Variants in CNTNAP5 observed in about 807,000 individuals in gnomAD.
CNTNAP5 encodes contactin-associated protein-like 5.
A neutral mutation model predicts 150.2 loss-of-function variants in CNTNAP5; 72 were observed. That is an observed-to-expected ratio of 0.48 (90% CI 0.40 to 0.58). The LOEUF is 0.58. Among genes scored for constraint, CNTNAP5 ranks in the 20% least tolerant of loss-of-function variants. The pLI, the probability that CNTNAP5 is intolerant of heterozygous loss-of-function variation, is 0.00. For synonymous variants in CNTNAP5, 672 were observed against 619.8 expected (o/e 1.08, Z -1.25); for missense variants, 1,636 against 1,626.2 (o/e 1.01, Z -0.10).
intron 3 of CNTNAP5, among the ~76,000 whole-genome samples, chr2:124,381,826 T>C (rs1430114732): frequency 6.6e-6 from 1 of 151,976 alleles, no homozygotes; most frequent in African/African-American, 2.4e-5. Context: ...AAGATCTTCC[T>C]GTGGTTGATG....
intron 19 of CNTNAP5, among the ~76,000 whole-genome samples, chr2:124,857,405 T>C (rs1402135116): frequency 6.6e-6 from 1 of 151,954 alleles, no homozygotes; most frequent in Non-Finnish European, 1.5e-5. Flanking sequence ...TTTTCTGAGG[T>C]GTTACAGCCT....
At chr2:124,058,618 T>A (rs1334135670) in intron 1 of CNTNAP5, among the ~76,000 whole-genome samples, 1 of 152,150 alleles carries the variant, frequency 6.6e-6, no homozygotes, top group South Asian at 2.1e-4. Flanking sequence ...TGCATTTAAA[T>A]GTTTGGTAAT....
intron 21 of CNTNAP5, among the ~76,000 whole-genome samples, chr2:124,872,074 A>G (rs1677760995): frequency 6.6e-6 from 1 of 152,050 alleles, no homozygotes; most frequent in Admixed American, 6.6e-5. Context: ...TGGCTTTAGC[A>G]TCACATTCAC....
intron 6 of CNTNAP5, among the ~76,000 whole-genome samples, chr2:124,471,202 A>C (rs1693505836): frequency 6.6e-6 from 1 of 152,224 alleles, no homozygotes; most frequent in Admixed American, 6.5e-5. Context: ...CGTATCCATG[A>C]ACATGGAATG....
intron 8 of CNTNAP5, among the ~76,000 whole-genome samples, chr2:124,512,092 A>G (rs774211011): frequency 1.3e-5 from 2 of 151,994 alleles, no homozygotes; most frequent in Non-Finnish European, 2.9e-5. Context: ...AGAGAAATCC[A>G]GGCAGAGACA....
At chr2:124,609,765 A>G in intron 11 of CNTNAP5, 36 bp from the exon 12 acceptor site, 3 of 1,608,366 alleles carry the variant, frequency 1.9e-6, no homozygotes, top group Non-Finnish European at 2.6e-6. Flanking sequence ...TGCAGAGCCA[A>G]GCAAAGTTTT....
chr2:124,208,316 GTCCAGCATGTTATA>G (rs1389546521), intron 1 of CNTNAP5, among the ~76,000 whole-genome samples: 2 of 152,102 alleles, frequency 1.3e-5, no homozygotes, highest in East Asian at 3.9e-4. Flanking sequence ...CCACACTTTG[GTCCAGCATGTTATA>G]TCCAGGATTC....
chr2:124,084,605 A>G (rs1682634665), intron 1 of CNTNAP5, among the ~76,000 whole-genome samples: 1 of 151,786 alleles, frequency 6.6e-6, no homozygotes, highest in Admixed American at 6.6e-5. Context: ...CTATACATAC[A>G]TGTATGTGTG....
At chr2:124,828,714 G>T (rs1682649586) in intron 19 of CNTNAP5, among the ~76,000 whole-genome samples, 1 of 99,940 alleles carries the variant, frequency 1.0e-5, no homozygotes, top group African/African-American at 3.9e-5. Context: ...TATATGCCTT[G>T]CAGACCAATG....
chr2:124,784,036 A>G lies in CNTNAP5; in HGVS notation c.2753-5866A>G, dbSNP rs114925608. Among the ~76,000 whole-genome samples the G allele has an allele frequency of 9.6e-3, 1,455 of 152,268 alleles. 24 individuals carry two copies. The highest frequency in any genetic ancestry group is 0.034 in the African/African-American group (1,400 of 41,564). On this transcript the variant is annotated intron_variant, in intron 17 of 23. Transcript: ENST00000682447. ...TTTTTATTCATCATGTATATGTTAA[A>G]CCTTCTGCCACTTTAGTCAAAAAGT...
At chr2:124,469,166 C>T (rs1036419505) in intron 6 of CNTNAP5, among the ~76,000 whole-genome samples, 1 of 152,174 alleles carries the variant, frequency 6.6e-6, no homozygotes, top group Non-Finnish European at 1.5e-5. Flanking sequence ...AATCTTCCAC[C>T]CAGAGTAGAG....
intron 19 of CNTNAP5, among the ~76,000 whole-genome samples, chr2:124,864,878 G>A (rs756567940): frequency 1.3e-5 from 2 of 152,146 alleles, no homozygotes; most frequent in African/African-American, 4.8e-5. Context: ...ATCAACGGGT[G>A]ATAACAGGAC....
chr2:124,854,185 TA>T (rs1414897640), intron 19 of CNTNAP5, among the ~76,000 whole-genome samples: 3 of 152,198 alleles, frequency 2.0e-5, no homozygotes, highest in African/African-American at 7.2e-5. Flanking sequence ...ATGTATTCCG[TA>T]GCACTGATCA....
chr2:124,773,490 A>G (rs1681250927), intron 17 of CNTNAP5, among the ~76,000 whole-genome samples: 1 of 152,184 alleles, frequency 6.6e-6, no homozygotes, highest in African/African-American at 2.4e-5. Flanking sequence ...TGGTTGAGAA[A>G]GGAATGATCC....
intron 13 of CNTNAP5, among the ~76,000 whole-genome samples, chr2:124,687,956 TTC>T (rs1679226698): frequency 5.3e-5 from 8 of 152,248 alleles, no homozygotes; most frequent in Admixed American, 5.2e-4. Context: ...CTAGTACTAA[TTC>T]TGAATTGATA....
At chr2:124,624,145 G>A (rs1677672107) in intron 12 of CNTNAP5, among the ~76,000 whole-genome samples, 1 of 152,134 alleles carries the variant, frequency 6.6e-6, no homozygotes, top group African/African-American at 2.4e-5. Flanking sequence ...AGTGGCAGAA[G>A]GCATAATCTC....
intron 21 of CNTNAP5, among the ~76,000 whole-genome samples, chr2:124,889,507 T>A (rs561051151): frequency 2.0e-5 from 3 of 152,232 alleles, no homozygotes; most frequent in Admixed American, 2.0e-4. Flanking sequence ...TTATTGAATA[T>A]GGAGTGAGAT....
intron 13 of CNTNAP5, among the ~76,000 whole-genome samples, chr2:124,700,512 C>T (rs1679499437): frequency 1.3e-5 from 2 of 152,088 alleles, no homozygotes; most frequent in African/African-American, 4.8e-5. Flanking sequence ...CACAACCTTG[C>T]CAACACTTGT....
intron 3 of CNTNAP5, among the ~76,000 whole-genome samples, chr2:124,358,319 G>C (rs1172508082): frequency 2.1e-4 from 32 of 151,974 alleles, no homozygotes; most frequent in Non-Finnish European, 7.4e-5. Flanking sequence ...TAATTGCCCT[G>C]GCCAGAACTT....
Sources: allele counts gnomAD v4.1 joint callset (sites outside exome capture counted in the v4.1 genomes callset), GRCh38; gene constraint gnomAD v4.1.1; transcripts MANE v1.5; gene names NCBI Gene and HGNC (gene_info 2026-07-23, HGNC 2026-07-21).